LCP2: variants seen among roughly 807,000 people sequenced by gnomAD.
The protein encoded by LCP2 is lymphocyte cytosolic protein 2, also known as 76 kDa tyrosine phosphoprotein.
LCP2 carries 29 observed loss-of-function variants against 74.5 expected under a neutral mutation model. The observed-to-expected ratio is 0.39, with a 90% CI of 0.29 to 0.53. LCP2 has a LOEUF of 0.53. Ranked by LOEUF, LCP2 falls within the 20% of genes least tolerant of loss-of-function variation. The pLI, the probability that LCP2 is intolerant of heterozygous loss-of-function variation, is 0.72. For missense variants in LCP2, 604 were observed against 634.6 expected, an observed-to-expected ratio of 0.95 and a Z score of 0.52; for synonymous variants, 228 against 229.5, an observed-to-expected ratio of 0.99 and a Z score of 0.06.
chr5:170,294,580 C>T lies in LCP2; in HGVS notation c.79-1208G>A, dbSNP rs73800605. ...TTTGTGGCAGCCTTCTTTTGGAGCA[C>T]ATTTTAAGCCATATTTTTATCTTAT... On this transcript the variant is annotated intron_variant, in intron 1 of 20. Transcript: ENST00000046794. Among the ~76,000 whole-genome samples, 994 of 152,262 alleles carry T rather than the reference C, an allele frequency of 6.5e-3. 11 individuals carry two copies. Among genetic ancestry groups the T allele is most frequent in the African/African-American group, 0.023 (956 of 41,534 alleles).
intron 11 of LCP2, 37 bp from the exon 12 acceptor site, chr5:170,262,898 C>A (rs1761685698): frequency 6.2e-7 from 1 of 1,614,042 alleles, no homozygotes; most frequent in South Asian, 1.1e-5. Context: ...AGTGTCCAAG[C>A]ACTTTTCAAA....
intron 14 of LCP2, among the ~76,000 whole-genome samples, chr5:170,259,772 C>G (rs571961219): frequency 6.6e-6 from 1 of 152,298 alleles, no homozygotes; most frequent in Admixed American, 6.5e-5. Flanking sequence ...TCCCAGTTGG[C>G]CAACTGGGAG....
intron 2 of LCP2, among the ~76,000 whole-genome samples, chr5:170,289,645 CTTTCT>C (rs1449196463): frequency 9.0e-6 from 1 of 111,018 alleles, no homozygotes; most frequent in Non-Finnish European, 1.8e-5. Context: ...TTCTTTCTTT[CTTTCT>C]TTCTTTCTTT....
chr5:170,263,127 ACT>A, intron 10 of LCP2, 135 bp from the exon 11 acceptor site: 1 of 1,033,814 alleles, frequency 9.7e-7, no homozygotes. Context: ...AGAATCAGAA[ACT>A]TCAGACTAGG....
chr5:170,272,907 C>T (rs568743550), intron 6 of LCP2, among the ~76,000 whole-genome samples: 38 of 151,956 alleles, frequency 2.5e-4, no homozygotes, highest in African/African-American at 7.7e-4. Flanking sequence ...CCACCGCACC[C>T]GGTTCAAATA....
At chr5:170,274,208 GC>G in intron 6 of LCP2, 92 bp downstream of exon 6, 1 of 1,315,532 alleles carries the variant, frequency 7.6e-7, no homozygotes, top group Admixed American at 1.9e-5. Context: ...TCATGTTAGA[GC>G]CCCGCTTCAC....
At chr5:170,291,576 T>C (rs2113216204) in intron 2 of LCP2, among the ~76,000 whole-genome samples, 1 of 152,310 alleles carries the variant, frequency 6.6e-6, no homozygotes, top group Non-Finnish European at 1.5e-5. Flanking sequence ...GCTGCCTAGA[T>C]ACCATCTCTC....
intron 18 of LCP2, among the ~76,000 whole-genome samples, chr5:170,252,881 G>A (rs1298786686): frequency 6.6e-6 from 1 of 152,158 alleles, no homozygotes; most frequent in Non-Finnish European, 1.5e-5. Context: ...ATAAAAAACA[G>A]GATTATTTTT....
At position 170,267,119 on chromosome 5, in the gene LCP2, G is replaced by A. The variant is rs752268542; in HGVS notation, c.622-44C>T. Reference sequence around the variant, plus strand: ...GTTAGGAAGCACTTCCAATACATCAGCAAGAGCCGGCACTCCCAAAACCTG... The same window carrying A: ...GTTAGGAAGCACTTCCAATACATCAACAAGAGCCGGCACTCCCAAAACCTG... On this transcript the variant is annotated intron_variant, in intron 8 of 20. Transcript: ENST00000046794. 4 of 1,590,542 alleles carry A rather than the reference G, an allele frequency of 2.5e-6. No homozygotes were observed. In the Admixed American group the frequency reaches 6.7e-5, roughly 27 times the overall value.
rs1033858639 is a variant in LCP2 at position 170,248,488 on chromosome 5, A to T, written c.*209T>A. On this transcript the variant is annotated 3_prime_UTR_variant, in exon 21 of 21. Coordinates refer to ENST00000046794, the MANE Select transcript of LCP2 (RefSeq NM_005565.5). ...CTTCAAGTGTGAACATGACTCATGCACTTTACAAACATTGAAGAAGAATAA... is the reference window on the plus strand; with the variant it reads ...CTTCAAGTGTGAACATGACTCATGCTCTTTACAAACATTGAAGAAGAATAA... 2.0e-6 allele frequency: 1 copy of T among 495,790 alleles called. No homozygotes were observed. The highest frequency in any genetic ancestry group is 4.3e-5 in the East Asian group (1 of 23,528). The allele number at this position is 495,790 out of a possible 1,614,324, so 30.7% of individuals were successfully genotyped here.
chr5:170,288,196 G>A (rs1453335890), intron 2 of LCP2, among the ~76,000 whole-genome samples, 180 bp from the exon 3 acceptor site: 1 of 115,630 alleles, frequency 8.6e-6, no homozygotes, highest in Non-Finnish European at 1.6e-5. Context: ...TTGCCTAAAA[G>A]CCTGTGGGCC....
Position 170,274,484 on chromosome 5 carries a change from C to A in LCP2, c.287-146G>T, listed in dbSNP as rs1455514465. ...ACCTCCCACACCCCTGCAGGTTTAG[C>A]CACTTACTGTCAGCTCCAGCGACCC... On this transcript the variant is annotated intron_variant, in intron 5 of 20. Transcript: ENST00000046794. The A allele has an allele frequency of 4.5e-5, 36 of 802,508 alleles. No individual in the cohort carries two copies. The East Asian group carries it at 9.4e-4, about 21-fold the overall frequency. The allele number at this position is 802,508 out of a possible 1,614,324, so 49.7% of individuals were successfully genotyped here.
chr5:170,267,621 C>G (rs572614426), intron 8 of LCP2, among the ~76,000 whole-genome samples: 2 of 151,626 alleles, frequency 1.3e-5, no homozygotes, highest in East Asian at 3.9e-4. Context: ...TTCCGTCCCC[C>G]GAACCACACA....
In LCP2 at chr5:170,246,460, A is replaced by G. The variant is rs1761295462; in HGVS notation, c.*2237T>C. 1 of 168,420 alleles carries G rather than the reference A, an allele frequency of 5.9e-6. No homozygotes were observed. Among genetic ancestry groups the G allele is most frequent in the African/African-American group, 2.4e-5 (1 of 41,802 alleles). 10.4% of individuals were successfully genotyped at this position (168,420 alleles called of 1,614,324 possible). A position where few individuals can be genotyped will look rare whatever the true frequency, so the allele number is the denominator to read the frequency against. On this transcript the variant is annotated 3_prime_UTR_variant, in exon 21 of 21. Transcript: ENST00000046794. ...ACGCCAAGCACAACTCAACCAGCTGAAGCATTTATTGAGTCATGTGACTTG... is the reference window on the plus strand; with the variant it reads ...ACGCCAAGCACAACTCAACCAGCTGGAGCATTTATTGAGTCATGTGACTTG...
intron 16 of LCP2, 66 bp downstream of exon 16, chr5:170,257,971 A>T (rs1761585455): frequency 6.5e-7 from 1 of 1,531,706 alleles, no homozygotes. Flanking sequence ...TCTGCCTGGC[A>T]TTACTTCAGT....
chr5:170,251,810 G>C (rs56860754), intron 19 of LCP2: 41,665 of 329,342 alleles, frequency 0.13, 3,203 homozygotes, highest in African/African-American at 0.24. Flanking sequence ...CCCAGGAATC[G>C]GGATTTTTCA....
intron 13 of LCP2, 49 bp downstream of exon 13, chr5:170,262,586 G>T: frequency 1.4e-6 from 2 of 1,419,236 alleles, no homozygotes; most frequent in Non-Finnish European, 2.0e-6. Context: ...AGGGCAGCCT[G>T]TCTGCCGGCC....
At chr5:170,290,537 A>G (rs1291907661) in intron 2 of LCP2, among the ~76,000 whole-genome samples, 1 of 152,144 alleles carries the variant, frequency 6.6e-6, no homozygotes, top group Non-Finnish European at 1.5e-5. Context: ...TTTACCATTC[A>G]CCATACACCT....
chr5:170,248,719 G>C lies in LCP2; in HGVS notation c.1580C>G (p.Thr527Arg). ...NRGSRYQCTL[T>R]HAAGYP Reference sequence around the variant, plus strand: ...TTGCTATGGGTACCCTGCAGCATGCGTTAATGTGCACTGGTATCTGGAACC... The same window carrying C: ...TTGCTATGGGTACCCTGCAGCATGCCTTAATGTGCACTGGTATCTGGAACC... Residue 527 changes from threonine (T) to arginine (R), a missense_variant, in exon 21 of 21, where the codon ACG becomes AGG. Transcript: ENST00000046794. The C allele has an allele frequency of 6.2e-7, 1 of 1,611,872 alleles. No individual in the cohort carries two copies. The highest frequency in any genetic ancestry group is 8.5e-7 in the Non-Finnish European group (1 of 1,179,136).
Sources: gnomAD v4.1 joint callset for allele counts (sites outside exome capture counted in the v4.1 genomes callset) on GRCh38, gnomAD v4.1.1 for gene constraint, MANE v1.5 for transcripts, NCBI Gene and HGNC (gene_info 2026-07-23, HGNC 2026-07-21) for gene names.